The following NRXN3 variants were observed in gnomAD, a reference collection of about 807,000 sequenced individuals.
NRXN3 encodes neurexin 3, also known as neurexin III.
NRXN3 carries 32 observed loss-of-function variants against 137.6 expected under a neutral mutation model. That is an observed-to-expected ratio of 0.23 (90% CI 0.18 to 0.31). The LOEUF is 0.31. Ranked by LOEUF, NRXN3 falls within the 10% of genes least tolerant of loss-of-function variation. NRXN3 has a pLI of 1.00. For synonymous variants in NRXN3, 798 were observed against 784.5 expected, an observed-to-expected ratio of 1.02 and a Z score of -0.29; for missense variants, 1,574 against 2,062.5, an observed-to-expected ratio of 0.76 and a Z score of 4.59.
At chr14:78,859,029 G>A (rs2099065185) in intron 10 of NRXN3, among the ~76,000 whole-genome samples, 2 of 152,086 alleles carry the variant, frequency 1.3e-5, no homozygotes, top group South Asian at 4.1e-4. Context: ...TGTGTCAAGG[G>A]CAGGACCAGG....
At chr14:79,662,167 C>G (rs1013723472) in intron 16 of NRXN3, among the ~76,000 whole-genome samples, 3 of 152,056 alleles carry the variant, frequency 2.0e-5, no homozygotes, top group Non-Finnish European at 4.4e-5. Flanking sequence ...CATAAATTAC[C>G]CAGTCTCAGG....
intron 16 of NRXN3, among the ~76,000 whole-genome samples, chr14:79,569,328 C>T (rs1330351138): frequency 6.6e-6 from 1 of 152,072 alleles, no homozygotes; most frequent in Non-Finnish European, 1.5e-5. Context: ...TATTCATTGC[C>T]TTGTTCACTT....
At chr14:78,425,819 C>A (rs190097156) in intron 4 of NRXN3, among the ~76,000 whole-genome samples, 1 of 152,150 alleles carries the variant, frequency 6.6e-6, no homozygotes, top group Non-Finnish European at 1.5e-5. Context: ...GGGCTCCTGT[C>A]TGGCTAGTTA....
chr14:79,049,885 TA>T (rs2099639390), intron 15 of NRXN3, among the ~76,000 whole-genome samples: 1 of 151,982 alleles, frequency 6.6e-6, no homozygotes, highest in South Asian at 2.1e-4. Context: ...AATATTATAA[TA>T]AAACTAATTT....
chr14:78,917,634 A>G (rs1325025657), intron 10 of NRXN3, among the ~76,000 whole-genome samples: 1 of 151,838 alleles, frequency 6.6e-6, no homozygotes, highest in African/African-American at 2.4e-5. Context: ...GGTGTAGAAG[A>G]GTGTTGGTGC....
chr14:78,264,456 C>G (rs1236625917), intron 2 of NRXN3, among the ~76,000 whole-genome samples: 1 of 152,122 alleles, frequency 6.6e-6, no homozygotes, highest in African/African-American at 2.4e-5. Flanking sequence ...AAAATCCTCT[C>G]TTGTGGAAAA....
chr14:78,504,477 T>G (rs1289638378), intron 4 of NRXN3, among the ~76,000 whole-genome samples: 1 of 152,148 alleles, frequency 6.6e-6, no homozygotes, highest in Non-Finnish European at 1.5e-5. Context: ...AGTCTTTAAC[T>G]CCATGATGTT....
intron 15 of NRXN3, among the ~76,000 whole-genome samples, chr14:79,288,440 A>G (rs1447190971): frequency 6.6e-6 from 1 of 152,236 alleles, no homozygotes; most frequent in Non-Finnish European, 1.5e-5. Flanking sequence ...ACACCAACAC[A>G]TAATGTACAC....
chr14:78,938,959 C>G (rs1012802027), intron 10 of NRXN3, among the ~76,000 whole-genome samples: 1 of 151,550 alleles, frequency 6.6e-6, no homozygotes, highest in Non-Finnish European at 1.5e-5. Context: ...CATTCTCCTG[C>G]CTCAGCCTCC....
intron 3 of NRXN3, among the ~76,000 whole-genome samples, chr14:78,281,306 T>C (rs543864426): frequency 1.3e-5 from 2 of 152,332 alleles, no homozygotes; most frequent in South Asian, 4.1e-4. Context: ...TCTCTGACTC[T>C]TTTTTCCTTC....
chr14:78,223,759 G>C (rs1455462331), intron 1 of NRXN3, among the ~76,000 whole-genome samples: 1 of 152,196 alleles, frequency 6.6e-6, no homozygotes, highest in East Asian at 1.9e-4. Context: ...GGTTGGGAGG[G>C]CTGGACATGC....
intron 4 of NRXN3, among the ~76,000 whole-genome samples, chr14:78,488,040 A>T (rs1411898721): frequency 6.6e-6 from 1 of 152,158 alleles, no homozygotes; most frequent in East Asian, 1.9e-4. Flanking sequence ...CCAAGGTGCC[A>T]GCAGGTTTGG....
At chr14:78,874,780 C>T (rs1020871595) in intron 10 of NRXN3, among the ~76,000 whole-genome samples, 1 of 152,196 alleles carries the variant, frequency 6.6e-6, no homozygotes, top group Non-Finnish European at 1.5e-5. Context: ...GTCTGGGGTT[C>T]TGAATCAGGA....
chr14:78,224,240 G>A (rs1338794363), intron 1 of NRXN3, among the ~76,000 whole-genome samples: 2 of 150,442 alleles, frequency 1.3e-5, no homozygotes, highest in East Asian at 1.9e-4. Flanking sequence ...TCTATTTGAT[G>A]AGACATTGTC....
intron 15 of NRXN3, among the ~76,000 whole-genome samples, chr14:79,463,887 G>C (rs2096386176): frequency 6.6e-6 from 1 of 152,032 alleles, no homozygotes; most frequent in Admixed American, 6.6e-5. Flanking sequence ...ATAGTTCCCA[G>C]GATTTTCCCA....
chr14:78,893,271 C>A (rs529751449), intron 10 of NRXN3, among the ~76,000 whole-genome samples: 28 of 152,128 alleles, frequency 1.8e-4, no homozygotes, highest in African/African-American at 6.5e-4. Context: ...TTTGCAAGAG[C>A]AGGTGGATGA....
chr14:78,417,626 T>C (rs2093214784), intron 4 of NRXN3, among the ~76,000 whole-genome samples: 1 of 152,238 alleles, frequency 6.6e-6, no homozygotes. Flanking sequence ...AGATGCTCAA[T>C]AAATGTTTGT....
At chr14:79,131,751 G>A (rs926363924) in intron 15 of NRXN3, among the ~76,000 whole-genome samples, 2 of 152,216 alleles carry the variant, frequency 1.3e-5, no homozygotes, top group Non-Finnish European at 2.9e-5. Flanking sequence ...GCAAGCCTGG[G>A]CAATGGCGAG....
At chr14:78,761,555 G>A (rs2098692472) in intron 8 of NRXN3, among the ~76,000 whole-genome samples, 1 of 152,118 alleles carries the variant, frequency 6.6e-6, no homozygotes, top group Non-Finnish European at 1.5e-5. Flanking sequence ...AGGAGAGACA[G>A]TATCAGTTCT....
Sources: allele counts gnomAD v4.1 joint callset (sites outside exome capture counted in the v4.1 genomes callset), GRCh38; gene constraint gnomAD v4.1.1; transcripts MANE v1.5; gene names NCBI Gene and HGNC (gene_info 2026-07-23, HGNC 2026-07-21).